ITFG1: variants seen among roughly 807,000 people sequenced by gnomAD.
The protein encoded by ITFG1 is T-cell immunomodulatory protein.
A neutral mutation model predicts 81.8 loss-of-function variants in ITFG1; 34 were observed. That is an observed-to-expected ratio of 0.42 (90% CI 0.32 to 0.55). ITFG1 has a LOEUF of 0.55. ITFG1 is among the 20% of genes least tolerant of loss of function. ITFG1 has a pLI of 0.17. For missense variants in ITFG1, 672 were observed against 755.4 expected (o/e 0.89, Z 1.29); for synonymous variants, 285 against 270.6 (o/e 1.05, Z -0.52).
chr16:47,287,776 G>A (rs764432644), intron 10 of ITFG1, among the ~76,000 whole-genome samples: 10 of 152,164 alleles, frequency 6.6e-5, no homozygotes, highest in Admixed American at 2.0e-4. Flanking sequence ...TGAATTTCAC[G>A]AATGACTAAT....
At chr16:47,413,979 C>T (rs889970307) in intron 6 of ITFG1, among the ~76,000 whole-genome samples, 1 of 151,836 alleles carries the variant, frequency 6.6e-6, no homozygotes, top group East Asian at 2.0e-4. Flanking sequence ...TGCCCCCATG[C>T]CCGGCTAATT....
intron 12 of ITFG1, among the ~76,000 whole-genome samples, chr16:47,255,191 T>C (rs1966125653): frequency 1.3e-5 from 2 of 152,242 alleles, no homozygotes; most frequent in Non-Finnish European, 2.9e-5. Flanking sequence ...AAGAGAATTA[T>C]TAATTTAAAT....
chr16:47,165,761 C>T (rs1964880638), intron 14 of ITFG1, among the ~76,000 whole-genome samples: 2 of 152,138 alleles, frequency 1.3e-5, no homozygotes, highest in Non-Finnish European at 2.9e-5. Flanking sequence ...GGGAGAATCA[C>T]CTGAGCCCAG....
chr16:47,343,576 T>A (rs530497421), intron 8 of ITFG1, among the ~76,000 whole-genome samples: 80 of 151,962 alleles, frequency 5.3e-4, no homozygotes, highest in African/African-American at 1.9e-3. Flanking sequence ...AAAGAAGATA[T>A]AAAAATGGCC....
chr16:47,169,268 T>C (rs1393206658), intron 14 of ITFG1, among the ~76,000 whole-genome samples: 1 of 152,224 alleles, frequency 6.6e-6, no homozygotes, highest in Non-Finnish European at 1.5e-5. Context: ...AACAGACCAC[T>C]TGAATCTGTA....
intron 14 of ITFG1, among the ~76,000 whole-genome samples, chr16:47,170,038 T>C (rs932037785): frequency 6.6e-5 from 10 of 152,228 alleles, no homozygotes; most frequent in Non-Finnish European, 1.3e-4. Flanking sequence ...CAAGTCCCAT[T>C]TGGTCATAAA....
At chr16:47,159,491 T>C (rs1964767237) in intron 16 of ITFG1, among the ~76,000 whole-genome samples, 1 of 152,170 alleles carries the variant, frequency 6.6e-6, no homozygotes, top group South Asian at 2.1e-4. Flanking sequence ...AAAACTTCTA[T>C]AATTTTTATA....
chr16:47,406,256 GAAAC>G (rs1430145831), intron 6 of ITFG1, among the ~76,000 whole-genome samples: 1 of 152,088 alleles, frequency 6.6e-6, no homozygotes, highest in East Asian at 1.9e-4. Flanking sequence ...TTTTAGAAAA[GAAAC>G]AAAATTCTTG....
rs376820910 is a variant in ITFG1, at chr16:47,284,889, T to G, written c.1071-24194A>C. 5.3e-5 allele frequency among the ~76,000 whole-genome samples: 8 copies of G among 152,314 alleles called. No homozygotes were observed. The East Asian group carries it at 1.3e-3, about 26-fold the overall frequency. On this transcript the variant is annotated intron_variant, in intron 10 of 17. Coordinates refer to ENST00000320640, the MANE Select transcript of ITFG1 (RefSeq NM_030790.5). ...AATCACACATATATTTAATTAGAAT[T>G]TATGGTGTAATATTTATTCTGAAGG... is the stretch of plus-strand genomic sequence containing the variant.
chr16:47,326,360 C>A lies in ITFG1; in HGVS notation c.803-12537G>T, dbSNP rs568021308. ...GAGCTATCTATGACAAACCCACAGC[C>A]AATATCATACTGAATGGACAAAAAC... On this transcript the variant is annotated intron_variant, in intron 8 of 17. Transcript: ENST00000320640. Among the ~76,000 whole-genome samples the A allele has an allele frequency of 5.9e-5, 9 of 152,276 alleles. No individual in the cohort carries two copies. In the East Asian group the frequency reaches 1.7e-3, roughly 29 times the overall value.
Position 47,277,723 on chromosome 16 carries a change from T to C in ITFG1, c.1071-17028A>G, listed in dbSNP as rs529199399. Among the ~76,000 whole-genome samples, 3 of 152,326 alleles carry C rather than the reference T, an allele frequency of 2.0e-5. No homozygotes were observed. The East Asian group carries it at 5.8e-4, about 29-fold the overall frequency. ...GGCTATTCTGAATTCAGATGTGCTT[T>C]AGTGTAAACTACAGAGTGGATTTTG... is the stretch of plus-strand genomic sequence containing the variant. On this transcript the variant is annotated intron_variant, in intron 10 of 17. Transcript: ENST00000320640.
At chr16:47,189,071 C>T (rs1965261481) in intron 14 of ITFG1, among the ~76,000 whole-genome samples, 1 of 152,166 alleles carries the variant, frequency 6.6e-6, no homozygotes, top group Non-Finnish European at 1.5e-5. Context: ...GCCCCATAAA[C>T]AGTTTTTAAT....
At chr16:47,316,897 C>T (rs1031332887) in intron 8 of ITFG1, among the ~76,000 whole-genome samples, 3 of 152,172 alleles carry the variant, frequency 2.0e-5, no homozygotes, top group Non-Finnish European at 2.9e-5. Flanking sequence ...GATGGAGATG[C>T]TAGCCTGTGA....
intron 6 of ITFG1, among the ~76,000 whole-genome samples, chr16:47,392,397 T>C (rs531123002): frequency 2.1e-4 from 32 of 152,020 alleles, no homozygotes; most frequent in African/African-American, 7.0e-4. Flanking sequence ...ACAGTGTGTC[T>C]CAAGAACACA....
intron 10 of ITFG1, chr16:47,299,653 T>C (rs1415514675): frequency 2.6e-5 from 4 of 152,548 alleles, no homozygotes; most frequent in African/African-American, 9.7e-5. Context: ...TCGGGTTCCA[T>C]AGCCTAGCAG....
chr16:47,273,125 A>G (rs1016660070), intron 10 of ITFG1, among the ~76,000 whole-genome samples: 1 of 151,742 alleles, frequency 6.6e-6, no homozygotes, highest in Non-Finnish European at 1.5e-5. Flanking sequence ...GCTCATGTCC[A>G]TTTTAGTCAT....
intron 3 of ITFG1, among the ~76,000 whole-genome samples, chr16:47,453,349 G>A (rs1969412485): frequency 6.6e-6 from 1 of 152,182 alleles, no homozygotes; most frequent in Non-Finnish European, 1.5e-5. Flanking sequence ...GATGATTTGT[G>A]ACTAGGTATG....
rs867980170 is a variant in ITFG1 at position 47,293,026 on chromosome 16, C to A, written c.1070+18214G>T. 4.2e-4 allele frequency among the ~76,000 whole-genome samples: 63 copies of A among 148,470 alleles called. No homozygotes were observed. The East Asian group carries it at 5.1e-3, about 12-fold the overall frequency. Reference sequence around the variant, plus strand: ...TTGAGTAGTATTCCATGCTCTCTCTCTATATATATATGATATATATATCAT... The same window carrying A: ...TTGAGTAGTATTCCATGCTCTCTCTATATATATATATGATATATATATCAT... On this transcript the variant is annotated intron_variant, in intron 10 of 17. Transcript: ENST00000320640.
intron 14 of ITFG1, among the ~76,000 whole-genome samples, chr16:47,185,584 C>T (rs946339134): frequency 7.9e-5 from 12 of 152,118 alleles, no homozygotes; most frequent in African/African-American, 2.7e-4. Flanking sequence ...ACACAACATA[C>T]CAGAATCTCT....
Sources: allele counts gnomAD v4.1 joint callset (sites outside exome capture counted in the v4.1 genomes callset), GRCh38; gene constraint gnomAD v4.1.1; transcripts MANE v1.5; gene names NCBI Gene and HGNC (gene_info 2026-07-23, HGNC 2026-07-21).